ZNF454: variants seen among roughly 807,000 people sequenced by gnomAD.
The protein encoded by ZNF454 is zinc finger protein 454.
A neutral mutation model predicts 48.2 loss-of-function variants in ZNF454; 30 were observed. The observed-to-expected ratio is 0.62, with a 90% confidence interval of 0.47 to 0.84. The LOEUF (loss-of-function observed/expected upper bound fraction) is 0.84. Among genes scored for constraint, ZNF454 ranks in the 40% least tolerant of loss-of-function variants. The pLI is 0.00. For missense variants in ZNF454, 510 were observed against 623.1 expected (o/e 0.82, Z 1.93); for synonymous variants, 204 against 211.4 (o/e 0.97, Z 0.30).
rs190950452 is a variant in ZNF454 at position 178,956,034 on chromosome 5, C to T, written c.251-8621C>T. On this transcript the variant is annotated intron_variant, in intron 4 of 4. Coordinates refer to ENST00000519564, the MANE Select transcript of ZNF454 (RefSeq NM_001178089.3). ...CTTGTTTCCCTTCTCTCAGGAACCA[C>T]TGTCCTCCACCACATTTGTCATTTA... 1.8e-3 allele frequency among the ~76,000 whole-genome samples: 270 copies of T among 152,332 alleles called. 1 individual carries two copies. The highest frequency in any genetic ancestry group is 5.9e-3 in the African/African-American group (245 of 41,586).
the ZNF454 span, chr5:178,981,664 T>G: frequency 6.2e-7 from 1 of 1,613,194 alleles, no homozygotes; most frequent in Non-Finnish European, 8.5e-7. The surrounding 1 kb of genome is among the most constrained non-coding windows in gnomAD (Gnocchi z 5.1). Flanking sequence ...CTGCTACTTG[T>G]GGGCCTCTGC....
the ZNF454 span, chr5:178,986,336 G>A: frequency 1.5e-5 from 25 of 1,614,038 alleles, 1 homozygote; most frequent in Admixed American, 4.2e-4. Context: ...GCCACCATGA[G>A]GAAGGTGATG....
At chr5:178,982,927 C>A in the ZNF454 span, 2 of 1,613,556 alleles carry the variant, frequency 1.2e-6, no homozygotes, top group Non-Finnish European at 1.7e-6. Flanking sequence ...GCTGACTGGG[C>A]AGTGCCAAAG....
At chr5:178,985,461 T>C in the ZNF454 span, among the ~76,000 whole-genome samples, 3 of 150,910 alleles carry the variant, frequency 2.0e-5, no homozygotes, top group Non-Finnish European at 2.9e-5. Context: ...CCCAGCACTT[T>C]GGGAGGCCGA....
the ZNF454 span, chr5:178,988,943 C>T: frequency 1.7e-5 from 28 of 1,612,446 alleles, no homozygotes; most frequent in African/African-American, 1.6e-4. This position sits in a 1 kb window ranked among gnomAD's most constrained non-coding sequence, Gnocchi z 6.0. Flanking sequence ...ACCATTGAAG[C>T]GGACAGCTCG....
At chr5:178,974,649 TGA>T in the ZNF454 span, among the ~76,000 whole-genome samples, 2 of 152,096 alleles carry the variant, frequency 1.3e-5, no homozygotes, top group Non-Finnish European at 2.9e-5. Context: ...CATTACTGCA[TGA>T]GAGAGAGGTT....
intron 4 of ZNF454, among the ~76,000 whole-genome samples, chr5:178,948,884 G>T (rs10069181): frequency 0.3 from 44,597 of 146,666 alleles, 6,914 homozygotes; most frequent in African/African-American, 0.32. Flanking sequence ...ATGTATAATT[G>T]ATATAAATTA....
chr5:178,966,779 A>T (rs924928766), downstream of ZNF454, among the ~76,000 whole-genome samples: 1 of 151,638 alleles, frequency 6.6e-6, no homozygotes, highest in Non-Finnish European at 1.5e-5. Context: ...CGTCACCCAC[A>T]CTTATTTAAA....
the ZNF454 span, among the ~76,000 whole-genome samples, chr5:178,975,355 G>A: frequency 6.6e-6 from 1 of 152,318 alleles, no homozygotes; most frequent in Admixed American, 6.5e-5. Flanking sequence ...GTGAATGAAT[G>A]TGACCACTAC....
At chr5:178,963,735 G>T (rs934508582) in intron 4 of ZNF454, among the ~76,000 whole-genome samples, 4 of 151,710 alleles carry the variant, frequency 2.6e-5, no homozygotes, top group African/African-American at 9.7e-5. Context: ...TTATTCATAT[G>T]GGTTTGGAGA....
chr5:178,987,218 A>C, the ZNF454 span: 1 of 665,436 alleles, frequency 1.5e-6, no homozygotes. Flanking sequence ...ACCCTTGTGC[A>C]CGGTGGGTGG....
In ZNF454 at chr5:178,941,333, G is replaced by A; in HGVS notation, c.-219G>A. Reference sequence around the variant, plus strand: ...CGGTGGTCAAAGCCGCAGAGGGAGAGCGGGAGCGGTCGTGAGGTCGTCTGG... The same window carrying A: ...CGGTGGTCAAAGCCGCAGAGGGAGAACGGGAGCGGTCGTGAGGTCGTCTGG... On this transcript the variant is annotated 5_prime_UTR_variant, in exon 1 of 5. Coordinates refer to ENST00000519564, the MANE Select transcript of ZNF454 (RefSeq NM_001178089.3). This position sits in a 1 kb window ranked among gnomAD's most constrained non-coding sequence, Gnocchi z 5.5. 6.6e-6 allele frequency: 3 copies of A among 454,750 alleles called. No homozygotes were observed. Among genetic ancestry groups the A allele is most frequent in the South Asian group, 3.1e-5 (2 of 64,310 alleles). The allele number at this position is 454,750 out of a possible 1,614,324, so 28.2% of individuals were successfully genotyped here. A position where few individuals can be genotyped will look rare whatever the true frequency, so the allele number is the denominator to read the frequency against.
chr5:178,942,770 A>C lies in ZNF454; in HGVS notation c.-22A>C. ...CCATAGCACTTTGCCTGTCCCTAAG[A>C]GGGCTCATCGGAGAAGAAAGAATGG... On this transcript the variant is annotated 5_prime_UTR_variant, in exon 2 of 5. Transcript: ENST00000519564. 3 of 1,613,976 alleles carry C rather than the reference A, an allele frequency of 1.9e-6. No homozygotes were observed. Among genetic ancestry groups the C allele is most frequent in the Non-Finnish European group, 2.5e-6 (3 of 1,179,966 alleles).
At chr5:178,982,705 GA>G in the ZNF454 span, 11 of 360,566 alleles carry the variant, frequency 3.1e-5, no homozygotes, top group South Asian at 1.2e-4. Flanking sequence ...AAAAAAAAAA[GA>G]AAAAAAGAAG....
chr5:178,969,724 T>A (rs1173334983), downstream of ZNF454: 1 of 449,552 alleles, frequency 2.2e-6, no homozygotes, highest in Admixed American at 2.4e-5. Flanking sequence ...TCCTGGCCTC[T>A]CCTCCCACCT....
chr5:178,965,674 C>T lies in ZNF454; in HGVS notation c.1270C>T (p.Gln424Ter), dbSNP rs760536641. Reference protein sequence around the residue: ...CGLCEKAFRDQSALAQHQRIH... With the variant: ...CGLCEKAFRD ...CTTGTGTGAGAAAGCCTTTCGGGAC[C>T]AATCAGCACTAGCCCAACATCAGAG... Residue 424 changes from glutamine to a stop codon, truncating the protein, a stop_gained, in exon 5 of 5, where the codon CAA becomes TAA. Coordinates refer to ENST00000519564, the MANE Select transcript of ZNF454 (RefSeq NM_001178089.3). LOFTEE classifies it high-confidence loss of function. This position sits in a 1 kb window ranked among gnomAD's most constrained non-coding sequence, Gnocchi z 5.2. The T allele has an allele frequency of 6.2e-7, 1 of 1,613,880 alleles. No homozygotes were observed. Among genetic ancestry groups the T allele is most frequent in the African/African-American group, 1.3e-5 (1 of 74,844 alleles).
At position 178,942,194 on chromosome 5, in the gene ZNF454, C is replaced by A. The variant is rs558531339; in HGVS notation, c.-107-491C>A. The stretch of plus-strand genomic sequence containing the variant: ...CGAGGCGAGCCGATCACCTGAGGTC[C>A]GGAGTTCGAGACCAGTCCGACCAAC... On this transcript the variant is annotated intron_variant, in intron 1 of 4. Coordinates refer to ENST00000519564, the MANE Select transcript of ZNF454 (RefSeq NM_001178089.3). Among the ~76,000 whole-genome samples, 104 of 152,264 alleles carry A rather than the reference C, an allele frequency of 6.8e-4. 1 individual carries two copies. Among genetic ancestry groups the A allele is most frequent in the African/African-American group, 2.2e-3 (91 of 41,560 alleles).
chr5:178,978,573 CTTATA>C, the ZNF454 span: 1 of 152,160 alleles, frequency 6.6e-6, no homozygotes, highest in African/African-American at 2.4e-5. Context: ...CAGGTGAGAC[CTTATA>C]AATAGGTGGT....
chr5:178,957,253 T>C (rs1428355345), intron 4 of ZNF454, among the ~76,000 whole-genome samples: 1 of 152,182 alleles, frequency 6.6e-6, no homozygotes, highest in Non-Finnish European at 1.5e-5. Context: ...CTTGAAACTT[T>C]AGGTGATTGA....
Sources: allele counts gnomAD v4.1 joint callset (sites outside exome capture counted in the v4.1 genomes callset), GRCh38; gene constraint gnomAD v4.1.1; non-coding constraint Gnocchi (gnomAD v3.1); transcripts MANE v1.5; gene names NCBI Gene and HGNC (gene_info 2026-07-23, HGNC 2026-07-21).